Variants in MAP4 observed in about 807,000 individuals in gnomAD.
MAP4 encodes the protein microtubule associated protein 4, also known as microtubule-associated protein 4.
In MAP4, 76 loss-of-function variants were observed where a neutral mutation model predicts 170.2. The ratio of observed to expected loss-of-function variants is 0.45; its 90% CI spans 0.37 to 0.54. MAP4 has a LOEUF of 0.54. MAP4 is among the 20% of genes least tolerant of loss of function. MAP4 has a pLI of 0.00. For synonymous variants in MAP4, 909 were observed against 994.5 expected, an observed-to-expected ratio of 0.91 and a Z score of 1.62; for missense variants, 2,506 against 2,748.0, an observed-to-expected ratio of 0.91 and a Z score of 1.97.
chr3:48,029,076 G>A (rs531012686), intron 1 of MAP4, among the ~76,000 whole-genome samples: 7 of 151,492 alleles, frequency 4.6e-5, no homozygotes, highest in African/African-American at 1.7e-4. Flanking sequence ...AGTCTGGGAA[G>A]TTGAGGATGA....
At chr3:47,896,257 C>T (rs1302738998) in intron 10 of MAP4, among the ~76,000 whole-genome samples, 5 of 152,194 alleles carry the variant, frequency 3.3e-5, no homozygotes, top group Middle Eastern at 3.4e-3. Context: ...AGGCCGGGCG[C>T]GGTGGCTCAC....
intron 3 of MAP4, among the ~76,000 whole-genome samples, chr3:47,935,072 C>T (rs2100051952): frequency 6.6e-6 from 1 of 152,202 alleles, no homozygotes; most frequent in African/African-American, 2.4e-5. Flanking sequence ...ATGTGAAGTG[C>T]TTAGAAAATT....
intron 1 of MAP4, among the ~76,000 whole-genome samples, chr3:48,002,824 C>A (rs1267207190): frequency 6.9e-6 from 1 of 144,210 alleles, no homozygotes; most frequent in Non-Finnish European, 1.5e-5. Context: ...TTGCAGTGAG[C>A]CGAGATTGCA....
intron 1 of MAP4, among the ~76,000 whole-genome samples, chr3:48,013,747 C>T (rs2100106481): frequency 6.8e-6 from 1 of 147,574 alleles, no homozygotes; most frequent in Admixed American, 6.8e-5. Context: ...AAGGGAGGGA[C>T]TGAAAACAAA....
intron 1 of MAP4, among the ~76,000 whole-genome samples, chr3:48,053,181 G>A (rs1490475214): frequency 1.3e-5 from 2 of 152,140 alleles, no homozygotes; most frequent in African/African-American, 4.8e-5. Context: ...AATTAGACCT[G>A]ATGCATCAAT....
At chr3:48,086,143 TACACACACTC>T (rs779471309) in intron 1 of MAP4, among the ~76,000 whole-genome samples, 7 of 151,664 alleles carry the variant, frequency 4.6e-5, no homozygotes, top group African/African-American at 7.3e-5. Context: ...TGCACGTATA[TACACACACTC>T]ACACACACAC....
chr3:47,886,278 T>G (rs1418187477), intron 10 of MAP4, among the ~76,000 whole-genome samples: 1 of 152,140 alleles, frequency 6.6e-6, no homozygotes, highest in Non-Finnish European at 1.5e-5. Context: ...TTCCCTTGTC[T>G]CATGGATATA....
intron 3 of MAP4, among the ~76,000 whole-genome samples, chr3:47,945,204 T>C (rs2100059037): frequency 6.6e-6 from 1 of 151,768 alleles, no homozygotes; most frequent in African/African-American, 2.4e-5. Flanking sequence ...ATACAAAAAT[T>C]AGCCAGGCAT....
intron 10 of MAP4, among the ~76,000 whole-genome samples, chr3:47,896,888 C>T (rs1249442100): frequency 6.6e-6 from 1 of 152,176 alleles, no homozygotes; most frequent in South Asian, 2.1e-4. Context: ...ATCAACAGTA[C>T]TGCAAAGACA....
intron 1 of MAP4, among the ~76,000 whole-genome samples, chr3:48,029,996 A>AT (rs1553729430): frequency 4.7e-5 from 7 of 147,612 alleles, no homozygotes; most frequent in South Asian, 2.1e-4. Context: ...CTCAAAAAAA[A>AT]AAATATATAT....
At chr3:48,007,767 G>A (rs1258638915) in intron 1 of MAP4, among the ~76,000 whole-genome samples, 1 of 151,426 alleles carries the variant, frequency 6.6e-6, no homozygotes, top group Non-Finnish European at 1.5e-5. Context: ...CCACCTCCCA[G>A]GTTCAAGCGA....
chr3:48,039,930 C>A (rs771366699), intron 1 of MAP4, among the ~76,000 whole-genome samples: 18 of 152,158 alleles, frequency 1.2e-4, no homozygotes, highest in Non-Finnish European at 2.5e-4. Context: ...CTAACTGTTC[C>A]TCTTAACTAC....
chr3:48,040,916 G>C (rs2100121327), intron 1 of MAP4, among the ~76,000 whole-genome samples: 3 of 151,970 alleles, frequency 2.0e-5, no homozygotes, highest in African/African-American at 7.3e-5. Context: ...AGCCAGGCTG[G>C]TCTTGAACCC....
intron 2 of MAP4, among the ~76,000 whole-genome samples, chr3:47,983,089 G>C (rs900905309): frequency 6.6e-6 from 1 of 152,102 alleles, no homozygotes; most frequent in Non-Finnish European, 1.5e-5. Context: ...ATCTTCATTA[G>C]AGACAGGTTT....
At chr3:48,052,425 T>C (rs1319128073) in intron 1 of MAP4, among the ~76,000 whole-genome samples, 2 of 152,112 alleles carry the variant, frequency 1.3e-5, no homozygotes, top group Non-Finnish European at 2.9e-5. Flanking sequence ...TTTCGCTATA[T>C]CGGTCGGGCT....
chr3:48,021,806 T>C (rs2100110711), intron 1 of MAP4, among the ~76,000 whole-genome samples: 1 of 152,208 alleles, frequency 6.6e-6, no homozygotes, highest in Non-Finnish European at 1.5e-5. Context: ...AACTACTGGA[T>C]ATCAAAACTT....
intron 1 of MAP4, among the ~76,000 whole-genome samples, chr3:48,074,676 T>TGTGTGTGTG (rs2100142818): frequency 3.3e-5 from 3 of 90,640 alleles, no homozygotes; most frequent in African/African-American, 4.9e-5. Flanking sequence ...ATCCAGCTAA[T>TGTGTGTGTG]TGTGTGTGTG....
At chr3:47,966,006 G>A (rs2100074661) in intron 3 of MAP4, among the ~76,000 whole-genome samples, 1 of 151,726 alleles carries the variant, frequency 6.6e-6, no homozygotes, top group Non-Finnish European at 1.5e-5. Context: ...GTATAGCCTT[G>A]GTGCTTTGTT....
intron 5 of MAP4, among the ~76,000 whole-genome samples, chr3:47,921,412 G>C (rs569859516): frequency 4.8e-4 from 72 of 148,496 alleles, no homozygotes; most frequent in African/African-American, 1.7e-3. Context: ...GGCACCATAG[G>C]AATCTACACA....
Sources: allele counts gnomAD v4.1 joint callset (sites outside exome capture counted in the v4.1 genomes callset), GRCh38; gene constraint gnomAD v4.1.1; transcripts MANE v1.5; gene names NCBI Gene and HGNC (gene_info 2026-07-23, HGNC 2026-07-21).